PHLPP1: variants seen among roughly 807,000 people sequenced by gnomAD.
The protein encoded by PHLPP1 is PH domain leucine-rich repeat-containing protein phosphatase 1.
PHLPP1 carries 42 observed loss-of-function variants against 117.2 expected under a neutral mutation model. The observed-to-expected ratio is 0.36, with a 90% confidence interval of 0.28 to 0.46. PHLPP1 has a LOEUF of 0.46. Among genes scored for constraint, PHLPP1 ranks in the 20% least tolerant of loss-of-function variants. PHLPP1 has a pLI of 1.00. For missense variants in PHLPP1, 2,084 were observed against 2,241.9 expected, an observed-to-expected ratio of 0.93 and a Z score of 1.42; for synonymous variants, 1,042 against 970.7, an observed-to-expected ratio of 1.07 and a Z score of -1.37.
intron 1 of PHLPP1, among the ~76,000 whole-genome samples, chr18:62,724,640 T>G (rs188100676): frequency 1.7e-3 from 265 of 152,340 alleles, no homozygotes; most frequent in South Asian, 3.7e-3. Flanking sequence ...CTGTCTTTGG[T>G]GGTTCTTTAT....
At chr18:62,915,088 T>C in intron 9 of PHLPP1, 80 bp downstream of exon 9, 1 of 995,514 alleles carries the variant, frequency 1.0e-6, no homozygotes, top group African/African-American at 1.6e-5. Context: ...TTTAACTTGG[T>C]ATCATAAGCC....
Position 62,849,797 on chromosome 18 carries a change from CAAAAAAAAAAAAAA to C in PHLPP1, c.1900-10615_1900-10602del, listed in dbSNP as rs1159265423. Reference sequence around the variant, plus strand: ...GCAACATAGCAAGGCCCTGTCTCTACAAAAAAAAAAAAAAAAAAAAAAAAAAAAAAAAAAAATAT... The same window carrying C: ...GCAACATAGCAAGGCCCTGTCTCTACAAAAAAAAAAAAAAAAAAAAAATAT... On this transcript the variant is annotated intron_variant, in intron 3 of 16. Coordinates refer to ENST00000262719, the MANE Select transcript of PHLPP1 (RefSeq NM_194449.4). Among the ~76,000 whole-genome samples the C allele has an allele frequency of 9.5e-4, 7 of 7,400 alleles. No homozygotes were observed. In the South Asian group the frequency reaches 0.037, roughly 40 times the overall value. 4.9% of individuals were successfully genotyped at this position (7,400 alleles called of 152,430 possible).
At chr18:62,741,277 T>C (rs925629563) in intron 1 of PHLPP1, among the ~76,000 whole-genome samples, 1 of 152,238 alleles carries the variant, frequency 6.6e-6, no homozygotes, top group Non-Finnish European at 1.5e-5. Flanking sequence ...TTTATTGGGC[T>C]AGCAGTTGTT....
At chr18:62,811,368 C>T (rs1048782072) in intron 1 of PHLPP1, among the ~76,000 whole-genome samples, 1 of 152,026 alleles carries the variant, frequency 6.6e-6, no homozygotes, top group Non-Finnish European at 1.5e-5. Flanking sequence ...TATAAAATGA[C>T]AACTTAGAAA....
At chr18:62,810,176 T>C (rs566881520) in intron 1 of PHLPP1, among the ~76,000 whole-genome samples, 1 of 152,352 alleles carries the variant, frequency 6.6e-6, no homozygotes, top group African/African-American at 2.4e-5. Context: ...CAAAAATCAC[T>C]GTGTCCTTTG....
intron 4 of PHLPP1, among the ~76,000 whole-genome samples, chr18:62,878,989 C>T (rs1390123550): frequency 6.6e-6 from 1 of 152,168 alleles, no homozygotes; most frequent in East Asian, 1.9e-4. Context: ...ATTTGGTCTA[C>T]TTAATGTTTC....
intron 12 of PHLPP1, among the ~76,000 whole-genome samples, chr18:62,954,866 T>G (rs1910567745): frequency 6.6e-6 from 1 of 152,242 alleles, no homozygotes; most frequent in African/African-American, 2.4e-5. Flanking sequence ...ATAAACTCAC[T>G]GAGAAAATGA....
At position 62,745,527 on chromosome 18, in the gene PHLPP1, G is replaced by A. The variant is rs1911650100; in HGVS notation, c.1576+28268G>A. 2.0e-5 allele frequency among the ~76,000 whole-genome samples: 3 copies of A among 152,186 alleles called. No homozygotes were observed. In the South Asian group the frequency reaches 6.2e-4, roughly 31 times the overall value. ...CAGTCCTTCAGTGGCATTTGTGGGT[G>A]GTGAGAACTCTCATTGAGAGCATGT... On this transcript the variant is annotated intron_variant, in intron 1 of 16. Coordinates refer to ENST00000262719, the MANE Select transcript of PHLPP1 (RefSeq NM_194449.4).
At chr18:62,899,554 GCACTTAC>G (rs756232219) in intron 6 of PHLPP1, among the ~76,000 whole-genome samples, 2 of 152,038 alleles carry the variant, frequency 1.3e-5, no homozygotes, top group Non-Finnish European at 2.9e-5. Context: ...ATCATTCGTG[GCACTTAC>G]CACATACCTG....
intron 4 of PHLPP1, among the ~76,000 whole-genome samples, chr18:62,876,330 A>G (rs1916049447): frequency 6.6e-6 from 1 of 152,172 alleles, no homozygotes; most frequent in East Asian, 1.9e-4. Flanking sequence ...CCACCTGCCG[A>G]ACCCAGGCTC....
chr18:62,875,603 A>G (rs1452065093), intron 4 of PHLPP1, among the ~76,000 whole-genome samples: 1 of 152,146 alleles, frequency 6.6e-6, no homozygotes, highest in Non-Finnish European at 1.5e-5. Flanking sequence ...TAGATACTCC[A>G]TAAATGAACG....
intron 6 of PHLPP1, among the ~76,000 whole-genome samples, chr18:62,900,845 A>G (rs1461903901): frequency 6.6e-6 from 1 of 152,210 alleles, no homozygotes; most frequent in Admixed American, 6.5e-5. Context: ...GAGATAGTGC[A>G]TGTGAACTAG....
chr18:62,798,974 C>CTTAA (rs1231965348), intron 1 of PHLPP1, among the ~76,000 whole-genome samples: 3 of 152,214 alleles, frequency 2.0e-5, no homozygotes, highest in Admixed American at 6.5e-5. Flanking sequence ...AGCAATTAGA[C>CTTAA]TTAAGCTCCC....
chr18:62,963,482 A>G lies in PHLPP1; in HGVS notation c.3560+10A>G. On this transcript the variant is annotated intron_variant, in intron 14 of 16. Transcript: ENST00000262719. ...CGGGGGTAAAAAACAAGTAAGTCAG[A>G]TGAAACTTTAGAGGAAGAAGTGCCT... is the stretch of plus-strand genomic sequence containing the variant. 1 of 1,574,990 alleles carries G rather than the reference A, an allele frequency of 6.3e-7. No homozygotes were observed. The highest frequency in any genetic ancestry group is 8.7e-7 in the Non-Finnish European group (1 of 1,148,886).
intron 4 of PHLPP1, among the ~76,000 whole-genome samples, chr18:62,887,879 AG>A (rs1916320657): frequency 6.6e-6 from 1 of 152,138 alleles, no homozygotes; most frequent in African/African-American, 2.4e-5. Flanking sequence ...CTGGGACCAC[AG>A]GCACATACCA....
chr18:62,918,347 G>A (rs578129101), intron 9 of PHLPP1, among the ~76,000 whole-genome samples: 5 of 150,618 alleles, frequency 3.3e-5, no homozygotes, highest in South Asian at 2.1e-4. Flanking sequence ...TTCAGTATTC[G>A]TCCTATAGTT....
intron 14 of PHLPP1, among the ~76,000 whole-genome samples, chr18:62,971,299 A>G (rs2144489463): frequency 6.6e-6 from 1 of 151,690 alleles, no homozygotes; most frequent in South Asian, 2.1e-4. Context: ...CGAAGACTCC[A>G]ACTCCCTATA....
chr18:62,853,368 C>CT (rs1041486722), intron 3 of PHLPP1, among the ~76,000 whole-genome samples: 2 of 124,946 alleles, frequency 1.6e-5, no homozygotes, highest in Non-Finnish European at 3.5e-5. Context: ...TTTTTTTGTT[C>CT]TTGTTTCGTT....
intron 5 of PHLPP1, 56 bp from the exon 6 acceptor site, chr18:62,895,722 GATA>G (rs1200831564): frequency 9.5e-7 from 1 of 1,056,114 alleles, no homozygotes; most frequent in African/African-American, 1.6e-5. Context: ...CTTGTATGTT[GATA>G]ATAAAGATGT....
Sources: gnomAD v4.1 joint callset for allele counts (sites outside exome capture counted in the v4.1 genomes callset) on GRCh38, gnomAD v4.1.1 for gene constraint, MANE v1.5 for transcripts, NCBI Gene and HGNC (gene_info 2026-07-23, HGNC 2026-07-21) for gene names.